NLGN1: variants seen among roughly 807,000 people sequenced by gnomAD.
NLGN1 encodes the protein neuroligin 1.
In NLGN1, 12 loss-of-function variants were observed where a neutral mutation model predicts 65.5. The observed-to-expected ratio is 0.18, with a 90% CI of 0.12 to 0.30. The LOEUF (loss-of-function observed/expected upper bound fraction) is 0.30, where lower values mean the gene tolerates loss of function less well. Ranked by LOEUF, NLGN1 falls within the 10% of genes least tolerant of loss-of-function variation. The probability of loss-of-function intolerance (pLI) is 1.00; values close to 1 mark genes in which losing one functional copy is unlikely to be tolerated. For missense variants in NLGN1, 750 were observed against 1,007.1 expected (o/e 0.74, Z 3.46); for synonymous variants, 350 against 359.5 (o/e 0.97, Z 0.30).
chr3:174,003,459 A>G (rs1723710032), intron 4 of NLGN1, among the ~76,000 whole-genome samples: 1 of 152,196 alleles, frequency 6.6e-6, no homozygotes, highest in Non-Finnish European at 1.5e-5. Flanking sequence ...TACACACATT[A>G]AAATTTAGAA....
intron 4 of NLGN1, among the ~76,000 whole-genome samples, chr3:174,048,597 G>T (rs753715319): frequency 2.0e-5 from 3 of 151,792 alleles, no homozygotes; most frequent in Non-Finnish European, 4.4e-5. Flanking sequence ...AATTTATCCT[G>T]GGGGAAATCT....
At chr3:174,234,442 T>C (rs1741284590) in intron 4 of NLGN1, among the ~76,000 whole-genome samples, 1 of 152,166 alleles carries the variant, frequency 6.6e-6, no homozygotes, top group East Asian at 1.9e-4. Context: ...TGTATGCATG[T>C]TCACTTGAGG....
At chr3:174,202,907 G>T (rs1286129572) in intron 4 of NLGN1, 1 of 152,204 alleles carries the variant, frequency 6.6e-6, no homozygotes, top group East Asian at 1.9e-4. Flanking sequence ...GGTGAATCTT[G>T]TTGGTCAAGT....
intron 4 of NLGN1, among the ~76,000 whole-genome samples, chr3:173,856,125 C>T (rs554498001): frequency 1.2e-4 from 19 of 152,208 alleles, no homozygotes; most frequent in Admixed American, 3.9e-4. Context: ...TGGGGTACTT[C>T]GTCAAGTGTA....
At chr3:173,854,213 G>A (rs1727518669) in intron 4 of NLGN1, among the ~76,000 whole-genome samples, 1 of 151,872 alleles carries the variant, frequency 6.6e-6, no homozygotes, top group Non-Finnish European at 1.5e-5. Flanking sequence ...GAGTACTTCA[G>A]TATAGCTTTT....
chr3:173,673,778 G>T (rs1191028571), intron 3 of NLGN1, among the ~76,000 whole-genome samples: 1 of 151,860 alleles, frequency 6.6e-6, no homozygotes, highest in Admixed American at 6.6e-5. Flanking sequence ...CCAGGTTCTT[G>T]GCATCTTGAA....
At chr3:173,414,552 C>G (rs1376642555) in intron 1 of NLGN1, among the ~76,000 whole-genome samples, 1 of 150,534 alleles carries the variant, frequency 6.6e-6, no homozygotes, top group Non-Finnish European at 1.5e-5. Flanking sequence ...GAGACTAGAA[C>G]TACATTATAT....
At chr3:173,758,593 T>G (rs1486092348) in intron 3 of NLGN1, among the ~76,000 whole-genome samples, 1 of 151,986 alleles carries the variant, frequency 6.6e-6, no homozygotes, top group Non-Finnish European at 1.5e-5. Context: ...TTCCCATAAT[T>G]AGCTCCAAAT....
chr3:174,247,947 A>T (rs1744097483), intron 4 of NLGN1, among the ~76,000 whole-genome samples: 1 of 152,222 alleles, frequency 6.6e-6, no homozygotes, highest in South Asian at 2.1e-4. Context: ...AATCCATAGG[A>T]CATGTTTTTA....
intron 3 of NLGN1, among the ~76,000 whole-genome samples, chr3:173,616,945 A>C (rs560523142): frequency 6.6e-6 from 1 of 152,274 alleles, no homozygotes; most frequent in Admixed American, 6.5e-5. Context: ...GTAAGACTCT[A>C]CGTAGTAACT....
intron 3 of NLGN1, among the ~76,000 whole-genome samples, chr3:173,759,059 C>T (rs2150197446): frequency 6.6e-6 from 1 of 151,938 alleles, no homozygotes; most frequent in African/African-American, 2.4e-5. Context: ...TTCTACATCC[C>T]ACATTTTCTT....
At chr3:174,230,130 A>G (rs556333101) in intron 4 of NLGN1, among the ~76,000 whole-genome samples, 4 of 152,164 alleles carry the variant, frequency 2.6e-5, no homozygotes, top group African/African-American at 9.7e-5. Context: ...TCACACTGAT[A>G]CATTGAGCAC....
chr3:174,168,794 ATAGTAT>A (rs1049035236), intron 4 of NLGN1, among the ~76,000 whole-genome samples: 2 of 152,196 alleles, frequency 1.3e-5, no homozygotes, highest in Non-Finnish European at 2.9e-5. Context: ...GATGGCAGGC[ATAGTAT>A]TAGCACCAAG....
intron 4 of NLGN1, among the ~76,000 whole-genome samples, chr3:174,246,301 T>C (rs1399909386): frequency 6.6e-6 from 1 of 152,256 alleles, no homozygotes; most frequent in Non-Finnish European, 1.5e-5. Context: ...TATATGATCT[T>C]ATCTTTAAAG....
chr3:173,571,120 A>C (rs1389980762), intron 2 of NLGN1, among the ~76,000 whole-genome samples: 1 of 152,228 alleles, frequency 6.6e-6, no homozygotes, highest in Non-Finnish European at 1.5e-5. Flanking sequence ...AGCAGTGTTT[A>C]CTATTAGAAA....
chr3:174,172,657 T>A (rs963192421), intron 4 of NLGN1, among the ~76,000 whole-genome samples: 1 of 152,120 alleles, frequency 6.6e-6, no homozygotes, highest in African/African-American at 2.4e-5. Context: ...GGGTTCTCTG[T>A]TATTTTCTAC....
At chr3:173,998,348 CT>C (rs1400954726) in intron 4 of NLGN1, among the ~76,000 whole-genome samples, 5 of 152,132 alleles carry the variant, frequency 3.3e-5, no homozygotes, top group African/African-American at 1.2e-4. Context: ...TTACAACACA[CT>C]GTTACAACTT....
At chr3:173,672,013 A>G (rs2149739169) in intron 3 of NLGN1, among the ~76,000 whole-genome samples, 1 of 152,126 alleles carries the variant, frequency 6.6e-6, no homozygotes, top group African/African-American at 2.4e-5. Context: ...TCTCTACTAA[A>G]AATACAAAAA....
In NLGN1 at chr3:173,858,248, T is replaced by A. The variant is rs546711820; in HGVS notation, c.646+50416T>A. Among the ~76,000 whole-genome samples, 7 of 152,214 alleles carry A rather than the reference T, an allele frequency of 4.6e-5. No individual in the cohort carries two copies. The East Asian group carries it at 1.4e-3, about 29-fold the overall frequency. On this transcript the variant is annotated intron_variant, in intron 4 of 6. Transcript: ENST00000457714. ...CAGAGGGCAATATTTTGCTTGATTT[T>A]AAAAGATACATGAGTGAAGAAAAAT...
Sources: allele counts gnomAD v4.1 joint callset (sites outside exome capture counted in the v4.1 genomes callset), GRCh38; gene constraint gnomAD v4.1.1; transcripts MANE v1.5; gene names NCBI Gene and HGNC (gene_info 2026-07-23, HGNC 2026-07-21).